The following EPHA5 variants were observed in gnomAD, a reference collection of about 807,000 sequenced individuals.
The protein encoded by EPHA5 is EPH receptor A5.
In EPHA5, 60 loss-of-function variants were observed where a neutral mutation model predicts 105.0. The ratio of observed to expected loss-of-function variants is 0.57; its 90% CI spans 0.46 to 0.71. The LOEUF (loss-of-function observed/expected upper bound fraction) is 0.71, where lower values mean the gene tolerates loss of function less well. Ranked by LOEUF, EPHA5 falls within the 30% of genes least tolerant of loss-of-function variation. The pLI is 0.00. For missense variants in EPHA5, 1,218 were observed against 1,274.7 expected, an observed-to-expected ratio of 0.96 and a Z score of 0.68; for synonymous variants, 513 against 449.1, an observed-to-expected ratio of 1.14 and a Z score of -1.80.
chr4:65,494,968 A>G (rs530561007), intron 4 of EPHA5, among the ~76,000 whole-genome samples: 90 of 149,280 alleles, frequency 6.0e-4, no homozygotes, highest in Non-Finnish European at 8.4e-4. Flanking sequence ...AAGAAGAAGA[A>G]GAGGAGGAGG....
rs543705656 is a variant in EPHA5 at position 65,641,270 on chromosome 4, C to T, written c.246+2093G>A. On this transcript the variant is annotated intron_variant, in intron 2 of 16. Coordinates refer to ENST00000613740, the MANE Select transcript of EPHA5 (RefSeq NM_001281766.3). ...AAAGGACACGGAGCAAGTAAAATGC[C>T]ACAAACCTTGCTATCTTTAAAAGAT... Among the ~76,000 whole-genome samples, 91 of 152,140 alleles carry T rather than the reference C, an allele frequency of 6.0e-4. 1 individual carries two copies. The highest frequency in any genetic ancestry group is 3.4e-4 in the Non-Finnish European group (23 of 68,028).
chr4:65,445,748 A>G (rs1190759538), intron 5 of EPHA5, among the ~76,000 whole-genome samples: 1 of 152,160 alleles, frequency 6.6e-6, no homozygotes, highest in Non-Finnish European at 1.5e-5. Flanking sequence ...TTGTACAAAA[A>G]TATTAATTTT....
intron 1 of EPHA5, among the ~76,000 whole-genome samples, chr4:65,661,208 A>G (rs1191718583): frequency 6.6e-6 from 1 of 152,174 alleles, no homozygotes; most frequent in African/African-American, 2.4e-5. Context: ...CAAAAACTAA[A>G]ACCATGTTTG....
chr4:65,619,757 A>T (rs560385097), intron 2 of EPHA5, among the ~76,000 whole-genome samples: 1 of 151,970 alleles, frequency 6.6e-6, no homozygotes, highest in Admixed American at 6.6e-5. Flanking sequence ...TGTGCACAGA[A>T]TTTCCATTCA....
At chr4:65,593,154 C>G (rs559086501) in intron 3 of EPHA5, among the ~76,000 whole-genome samples, 1 of 152,138 alleles carries the variant, frequency 6.6e-6, no homozygotes, top group South Asian at 2.1e-4. Context: ...ATATGTAACT[C>G]TTAAGTCATA....
At chr4:65,468,467 A>C (rs1728930878) in intron 5 of EPHA5, among the ~76,000 whole-genome samples, 3 of 146,324 alleles carry the variant, frequency 2.1e-5, no homozygotes, top group Non-Finnish European at 3.0e-5. Flanking sequence ...GGGGGGAGAT[A>C]TATATCATAC....
chr4:65,329,865 A>C (rs1720427881), intron 16 of EPHA5, among the ~76,000 whole-genome samples: 1 of 151,150 alleles, frequency 6.6e-6, no homozygotes, highest in African/African-American at 2.4e-5. Flanking sequence ...AACTTTTAAA[A>C]AAATTTTTTT....
intron 14 of EPHA5, among the ~76,000 whole-genome samples, chr4:65,342,141 G>T (rs1721789263): frequency 1.4e-5 from 2 of 139,906 alleles, no homozygotes; most frequent in African/African-American, 5.3e-5. Context: ...AAGATGACTG[G>T]TTTAAGTCCA....
intron 5 of EPHA5, among the ~76,000 whole-genome samples, chr4:65,423,324 T>C (rs970272612): frequency 5.5e-4 from 83 of 151,888 alleles, no homozygotes; most frequent in African/African-American, 1.9e-3. Flanking sequence ...GGTTTACTGT[T>C]CCTCCACTAT....
At chr4:65,345,619 C>T (rs1157920876) in intron 14 of EPHA5, among the ~76,000 whole-genome samples, 3 of 152,218 alleles carry the variant, frequency 2.0e-5, no homozygotes, top group African/African-American at 7.2e-5. Flanking sequence ...TCCTCCTCCT[C>T]TAGGGCCCTT....
At chr4:65,496,708 A>G (rs1731979273) in intron 3 of EPHA5, among the ~76,000 whole-genome samples, 1 of 152,098 alleles carries the variant, frequency 6.6e-6, no homozygotes, top group African/African-American at 2.4e-5. Context: ...ATGTGTCTTT[A>G]GAGAAGCATG....
chr4:65,379,747 T>C (rs1024134393), intron 8 of EPHA5, among the ~76,000 whole-genome samples: 11 of 151,678 alleles, frequency 7.3e-5, no homozygotes, highest in Non-Finnish European at 1.3e-4. Flanking sequence ...TTATCCATAA[T>C]AGAACTAAAT....
At chr4:65,450,738 C>T (rs955706324) in intron 5 of EPHA5, among the ~76,000 whole-genome samples, 1 of 152,104 alleles carries the variant, frequency 6.6e-6, no homozygotes, top group East Asian at 1.9e-4. Context: ...AAGTCACCTA[C>T]GCATTGACTT....
At chr4:65,508,711 G>T (rs1192879265) in intron 3 of EPHA5, among the ~76,000 whole-genome samples, 2 of 151,972 alleles carry the variant, frequency 1.3e-5, no homozygotes, top group African/African-American at 4.8e-5. Context: ...TGCCCAGGTT[G>T]TGTATAATTT....
chr4:65,579,737 G>T (rs1741431133), intron 3 of EPHA5, among the ~76,000 whole-genome samples: 1 of 151,840 alleles, frequency 6.6e-6, no homozygotes, highest in South Asian at 2.1e-4. Flanking sequence ...CAATCACATG[G>T]CAATCAAGAC....
At chr4:65,440,528 A>ACC (rs1553916612) in intron 5 of EPHA5, among the ~76,000 whole-genome samples, 2 of 151,690 alleles carry the variant, frequency 1.3e-5, no homozygotes, top group African/African-American at 4.8e-5. Context: ...ACACACACAC[A>ACC]CACACAGAGG....
chr4:65,388,398 C>T (rs1327590750), intron 8 of EPHA5, among the ~76,000 whole-genome samples: 2 of 151,738 alleles, frequency 1.3e-5, no homozygotes, highest in African/African-American at 2.4e-5. Context: ...GCCACACTGA[C>T]TTCCACAATG....
chr4:65,329,293 C>G (rs945284113), intron 16 of EPHA5, among the ~76,000 whole-genome samples: 1 of 151,266 alleles, frequency 6.6e-6, no homozygotes, highest in Admixed American at 6.6e-5. Flanking sequence ...AGATTGAAAG[C>G]CACTTTCATG....
intron 1 of EPHA5, chr4:65,669,333 C>T: frequency 1.1e-6 from 1 of 938,214 alleles, no homozygotes; most frequent in Non-Finnish European, 1.3e-6. Flanking sequence ...CAGCCTCTGT[C>T]CACACGCATG....
Sources: gnomAD v4.1 joint callset for allele counts (sites outside exome capture counted in the v4.1 genomes callset) on GRCh38, gnomAD v4.1.1 for gene constraint, MANE v1.5 for transcripts, NCBI Gene and HGNC (gene_info 2026-07-23, HGNC 2026-07-21) for gene names.